CCDC3: variants seen among roughly 807,000 people sequenced by gnomAD.
CCDC3 encodes coiled-coil domain-containing protein 3.
In CCDC3, 24 loss-of-function variants were observed where a neutral mutation model predicts 21.4. That is an observed-to-expected ratio of 1.12 (90% confidence interval 0.81 to 1.58). The LOEUF (loss-of-function observed/expected upper bound fraction) is 1.58, where lower values mean the gene tolerates loss of function less well. CCDC3 is among the 40% of genes most tolerant of loss of function. The pLI is 0.00. For synonymous variants in CCDC3, 186 were observed against 166.0 expected (o/e 1.12, Z -0.93); for missense variants, 425 against 360.9 (o/e 1.18, Z -1.44).
chr10:13,000,922 C>T (rs1835839460), intron 1 of CCDC3, among the ~76,000 whole-genome samples: 1 of 152,184 alleles, frequency 6.6e-6, no homozygotes, highest in African/African-American at 2.4e-5. Context: ...TGTTGGAGGG[C>T]GCTTTGAGCT....
chr10:12,950,806 T>A (rs1321189954), intron 2 of CCDC3, among the ~76,000 whole-genome samples: 2 of 152,124 alleles, frequency 1.3e-5, no homozygotes, highest in East Asian at 3.9e-4. Flanking sequence ...CAATCACATA[T>A]TCAGCACTGA....
chr10:13,032,635 C>T (rs1836320753), intron 5 of CCDC3, among the ~76,000 whole-genome samples: 1 of 152,234 alleles, frequency 6.6e-6, no homozygotes, highest in African/African-American at 2.4e-5. Context: ...TAAGCAACTT[C>T]AGCAAAGTCT....
rs763966247 is a variant in CCDC3 at position 12,898,536 on chromosome 10, C to T, written c.693G>A (p.Ala231=). 7 of 1,614,208 alleles carry T rather than the reference C, an allele frequency of 4.3e-6. No homozygotes were observed. Among genetic ancestry groups the T allele is most frequent in the South Asian group, 1.1e-5 (1 of 91,084 alleles). The change falls in exon 3 of 3, where the codon GCG becomes GCA. Residue 231 remains alanine (A), a synonymous_variant. Coordinates refer to ENST00000378825, the MANE Select transcript of CCDC3 (RefSeq NM_031455.4). ...GCTCCAGGTGGCGGCCCTTCTTACGCGCCTGCCGCAAGGACCTCTTGACCT... is the reference window on the plus strand; with the variant it reads ...GCTCCAGGTGGCGGCCCTTCTTACGTGCCTGCCGCAAGGACCTCTTGACCT... The part of the protein sequence containing the change: ...VKKVKRSLRQ[A]RKKGRHLELA...
intron 3 of CCDC3, among the ~76,000 whole-genome samples, chr10:13,096,002 G>C (rs1242134754): frequency 2.0e-5 from 3 of 152,112 alleles, no homozygotes; most frequent in African/African-American, 7.2e-5. Context: ...AATGTATATG[G>C]AGTCATAGCA....
intron 5 of CCDC3, among the ~76,000 whole-genome samples, chr10:13,045,576 C>T (rs7077553): frequency 0.061 from 9,275 of 152,064 alleles, 358 homozygotes; most frequent in South Asian, 0.1. Flanking sequence ...CAAGATTGCA[C>T]CACCGTACTC....
chr10:13,011,711 A>T (rs2131399033), intron 5 of CCDC3, among the ~76,000 whole-genome samples: 1 of 152,312 alleles, frequency 6.6e-6, no homozygotes, highest in South Asian at 2.1e-4. Flanking sequence ...TCCAAAATGT[A>T]TATGGAACCA....
At chr10:12,986,634 C>A (rs767690194) in intron 2 of CCDC3, among the ~76,000 whole-genome samples, 3 of 151,922 alleles carry the variant, frequency 2.0e-5, no homozygotes, top group Non-Finnish European at 1.5e-5. Context: ...ATTAGCTGGG[C>A]GTGGTGGCGG....
chr10:13,069,277 C>T (rs1836856361), intron 4 of CCDC3, among the ~76,000 whole-genome samples: 1 of 152,176 alleles, frequency 6.6e-6, no homozygotes, highest in Non-Finnish European at 1.5e-5. Flanking sequence ...TAATAATAAT[C>T]TTGCAAAAGA....
At chr10:12,908,615 T>C (rs990743001) in intron 2 of CCDC3, among the ~76,000 whole-genome samples, 2 of 150,438 alleles carry the variant, frequency 1.3e-5, no homozygotes, top group African/African-American at 4.9e-5. Context: ...GATTTTTCTT[T>C]TTTTTTTTTT....
At chr10:13,021,983 C>T (rs1176404848) in intron 5 of CCDC3, among the ~76,000 whole-genome samples, 1 of 152,138 alleles carries the variant, frequency 6.6e-6, no homozygotes, top group South Asian at 2.1e-4. Context: ...TGGTCTCGAA[C>T]TCCTGACCTC....
At chr10:12,949,358 C>T (rs1834975225) in intron 2 of CCDC3, among the ~76,000 whole-genome samples, 2 of 152,162 alleles carry the variant, frequency 1.3e-5, no homozygotes, top group South Asian at 4.1e-4. Flanking sequence ...AAAGCATGTC[C>T]TTCTCTTACT....
chr10:13,001,729 G>C (rs1835860131), upstream of CCDC3: 2 of 391,550 alleles, frequency 5.1e-6, no homozygotes, highest in South Asian at 2.1e-4. Flanking sequence ...GCCCTGGCGC[G>C]CCACGCTTTA....
chr10:12,938,176 T>TATTTCCAAA (rs1834769474), intron 2 of CCDC3, among the ~76,000 whole-genome samples: 1 of 152,198 alleles, frequency 6.6e-6, no homozygotes, highest in South Asian at 2.1e-4. Flanking sequence ...TGAACAATGG[T>TATTTCCAAA]ATTTCCAAAC....
chr10:13,018,247 T>C lies in CCDC3; in HGVS notation c.-1-19735A>G, dbSNP rs1366458218. Among the ~76,000 whole-genome samples the C allele has an allele frequency of 2.0e-5, 3 of 151,974 alleles. No homozygotes were observed. The East Asian group carries it at 5.8e-4, about 29-fold the overall frequency. On this transcript the variant is annotated intron_variant, in intron 5 of 6. Transcript: ENST00000378839. ...AGTCTCTGGGGACGTGGTGGAAATATGGACAGTGGAAGAGTGGAACAAAGT... is the reference window on the plus strand; with the variant it reads ...AGTCTCTGGGGACGTGGTGGAAATACGGACAGTGGAAGAGTGGAACAAAGT...
At chr10:12,969,091 G>T (rs1564302639) in intron 2 of CCDC3, among the ~76,000 whole-genome samples, 1 of 151,964 alleles carries the variant, frequency 6.6e-6, no homozygotes, top group East Asian at 1.9e-4. Context: ...AAACATACAG[G>T]GAACTGAAAC....
intron 5 of CCDC3, among the ~76,000 whole-genome samples, chr10:13,020,036 A>G (rs1836124487): frequency 6.6e-6 from 1 of 152,208 alleles, no homozygotes; most frequent in Non-Finnish European, 1.5e-5. Flanking sequence ...TATGAACACT[A>G]TTAGTAAATT....
chr10:13,014,339 A>T (rs1836022261), intron 5 of CCDC3, among the ~76,000 whole-genome samples: 1 of 147,304 alleles, frequency 6.8e-6, no homozygotes, highest in Admixed American at 6.8e-5. Flanking sequence ...AATCCCAGCT[A>T]CTTGGGAGGC....
intron 2 of CCDC3, among the ~76,000 whole-genome samples, chr10:12,958,877 C>G (rs975355289): frequency 1.6e-4 from 24 of 152,172 alleles, no homozygotes; most frequent in Admixed American, 2.6e-4. Flanking sequence ...GGCTTAGGTC[C>G]CCACCTGTTC....
At chr10:12,952,319 T>C (rs1835019844) in intron 2 of CCDC3, among the ~76,000 whole-genome samples, 1 of 152,222 alleles carries the variant, frequency 6.6e-6, no homozygotes, top group African/African-American at 2.4e-5. Flanking sequence ...TATGACTTGA[T>C]GATAGAATGA....
Sources: allele counts gnomAD v4.1 joint callset (sites outside exome capture counted in the v4.1 genomes callset), GRCh38; gene constraint gnomAD v4.1.1; transcripts MANE v1.5; gene names NCBI Gene and HGNC (gene_info 2026-07-23, HGNC 2026-07-21).